LIN52: variants seen among roughly 807,000 people sequenced by gnomAD.
LIN52 encodes the protein protein lin-52 homolog.
In LIN52, 4 loss-of-function variants were observed where a neutral mutation model predicts 18.5. The observed-to-expected ratio is 0.22, with a 90% CI of 0.11 to 0.49. The LOEUF (loss-of-function observed/expected upper bound fraction) is 0.49. Among genes scored for constraint, LIN52 ranks in the 20% least tolerant of loss-of-function variants. The pLI is 0.97. For missense variants in LIN52, 102 were observed against 139.5 expected, an observed-to-expected ratio of 0.73 and a Z score of 1.35; for synonymous variants, 34 against 45.5, an observed-to-expected ratio of 0.75 and a Z score of 1.02.
intron 5 of LIN52, among the ~76,000 whole-genome samples, chr14:74,104,247 C>A (rs2098031): frequency 0.22 from 34,164 of 151,982 alleles, 4,166 homozygotes; most frequent in South Asian, 0.46. Context: ...ATTATAACTA[C>A]AATTTTTTTA....
intron 5 of LIN52, among the ~76,000 whole-genome samples, chr14:74,157,013 A>G (rs2061201819): frequency 6.7e-6 from 1 of 148,730 alleles, no homozygotes; most frequent in African/African-American, 2.5e-5. Context: ...TTCATTATGT[A>G]TGTATACCAT....
chr14:74,130,295 T>TTTTTTTTTTTTTTC (rs1315000657), intron 5 of LIN52, among the ~76,000 whole-genome samples: 1 of 140,272 alleles, frequency 7.1e-6, no homozygotes, highest in Non-Finnish European at 1.6e-5. Flanking sequence ...TTTTTTTTTT[T>TTTTTTTTTTTTTTC]TGAGACAGTC....
intron 5 of LIN52, among the ~76,000 whole-genome samples, chr14:74,137,498 C>CTCTTTTTTTT (rs776969152): frequency 9.9e-5 from 11 of 111,624 alleles, no homozygotes; most frequent in African/African-American, 3.7e-4. Context: ...CAGCAGCTCT[C>CTCTTTTTTTT]TTTTTTTTTT....
At chr14:74,097,722 C>A in intron 3 of LIN52, 72 bp from the exon 4 acceptor site, 1 of 1,164,798 alleles carries the variant, frequency 8.6e-7, no homozygotes, top group Non-Finnish European at 1.3e-6. Context: ...GCCCAGGCTA[C>A]ACTTCTTATA....
At chr14:74,121,364 TAACA>T (rs767383620) in intron 5 of LIN52, among the ~76,000 whole-genome samples, 7 of 152,236 alleles carry the variant, frequency 4.6e-5, no homozygotes, top group Non-Finnish European at 7.3e-5. Context: ...TTCATGCATG[TAACA>T]AACAGATTTC....
At chr14:74,184,304 C>T (rs1337697808) in intron 5 of LIN52, among the ~76,000 whole-genome samples, 1 of 152,240 alleles carries the variant, frequency 6.6e-6, no homozygotes, top group Non-Finnish European at 1.5e-5. Context: ...TGCGCTCAAG[C>T]GATCCACCCA....
chr14:74,180,443 T>C (rs2061313532), intron 5 of LIN52, among the ~76,000 whole-genome samples: 2 of 151,668 alleles, frequency 1.3e-5, no homozygotes, highest in South Asian at 4.2e-4. Flanking sequence ...TTTTTTTTTT[T>C]GTATTTTTAG....
chr14:74,090,552 G>A (rs1235985244), intron 1 of LIN52, among the ~76,000 whole-genome samples: 1 of 150,656 alleles, frequency 6.6e-6, no homozygotes, highest in Non-Finnish European at 1.5e-5. Context: ...GGCCAGGCTG[G>A]TCTCAAACTC....
rs370334003 is a variant in LIN52 at position 74,199,009 on chromosome 14, C to T, written c.*32C>T. The T allele has an allele frequency of 5.5e-4, 830 of 1,510,554 alleles. 2 individuals are homozygous for T. The highest frequency in any genetic ancestry group is 3.2e-3 in the South Asian group (282 of 88,928). The allele number at this position is 1,510,554 out of a possible 1,614,324, so 93.6% of individuals were successfully genotyped here. On this transcript the variant is annotated 3_prime_UTR_variant, in exon 6 of 6. Transcript: ENST00000555028. The stretch of plus-strand genomic sequence containing the variant: ...CTTGCGGACAGGATGTCCTGGGGTC[C>T]GAAACCAAGCTCCCTTCCCGGTGCA...
chr14:74,194,396 C>G (rs1175575541), intron 5 of LIN52, among the ~76,000 whole-genome samples: 1 of 152,208 alleles, frequency 6.6e-6, no homozygotes, highest in Non-Finnish European at 1.5e-5. Flanking sequence ...AAACCACACA[C>G]CACTTTCAGA....
intron 5 of LIN52, among the ~76,000 whole-genome samples, chr14:74,170,279 GAATA>G (rs948418235): frequency 6.6e-6 from 1 of 152,116 alleles, no homozygotes; most frequent in Admixed American, 6.6e-5. Flanking sequence ...AATATCCAGT[GAATA>G]AATAAATAAA....
At chr14:74,159,497 A>G (rs1253334942) in intron 5 of LIN52, among the ~76,000 whole-genome samples, 2 of 152,080 alleles carry the variant, frequency 1.3e-5, no homozygotes, top group Non-Finnish European at 2.9e-5. Context: ...TAAATGCTCA[A>G]ATTGTCTGTC....
At chr14:74,191,616 CTG>C (rs984155290) in intron 5 of LIN52, among the ~76,000 whole-genome samples, 2 of 151,656 alleles carry the variant, frequency 1.3e-5, no homozygotes, top group East Asian at 3.9e-4. Flanking sequence ...TTAAACTAAA[CTG>C]GGGTTTTTTT....
At chr14:74,126,142 G>A (rs984970536) in intron 5 of LIN52, among the ~76,000 whole-genome samples, 2 of 151,842 alleles carry the variant, frequency 1.3e-5, no homozygotes, top group Non-Finnish European at 2.9e-5. Context: ...ATCATTAGTC[G>A]TTAGGGAAAT....
intron 5 of LIN52, among the ~76,000 whole-genome samples, chr14:74,137,613 C>T (rs1040171634): frequency 1.3e-5 from 2 of 150,624 alleles, no homozygotes; most frequent in South Asian, 2.1e-4. Flanking sequence ...ATTCTTCTGC[C>T]TCAGCCTCCC....
At chr14:74,194,948 C>A (rs2078900890) in intron 5 of LIN52, among the ~76,000 whole-genome samples, 1 of 152,150 alleles carries the variant, frequency 6.6e-6, no homozygotes, top group Non-Finnish European at 1.5e-5. Context: ...AGTCCGAGAC[C>A]AGCCTGGCCA....
At chr14:74,191,374 TCAC>T (rs1336328641) in intron 5 of LIN52, among the ~76,000 whole-genome samples, 1 of 152,154 alleles carries the variant, frequency 6.6e-6, no homozygotes, top group African/African-American at 2.4e-5. Flanking sequence ...CCTTCACTCT[TCAC>T]CACCCCCTCC....
At chr14:74,105,717 T>C (rs907371413) in intron 5 of LIN52, among the ~76,000 whole-genome samples, 8 of 152,156 alleles carry the variant, frequency 5.3e-5, no homozygotes, top group African/African-American at 1.7e-4. Context: ...AAATAAGCAG[T>C]AGGAACTGAT....
intron 5 of LIN52, among the ~76,000 whole-genome samples, chr14:74,163,984 A>ATTT (rs35991875): frequency 1.4e-5 from 2 of 146,588 alleles, no homozygotes; most frequent in Admixed American, 6.8e-5. Flanking sequence ...CTGTACTGAA[A>ATTT]TTTTTTTTTT....
Sources: allele counts gnomAD v4.1 joint callset (sites outside exome capture counted in the v4.1 genomes callset), GRCh38; gene constraint gnomAD v4.1.1; transcripts MANE v1.5; gene names NCBI Gene and HGNC (gene_info 2026-07-23, HGNC 2026-07-21).